Variants in SLC28A2 observed in about 807,000 individuals in gnomAD.
SLC28A2 encodes sodium/nucleoside cotransporter 2.
In SLC28A2, 69 loss-of-function variants were observed where a neutral mutation model predicts 72.9. The ratio of observed to expected loss-of-function variants is 0.95; its 90% confidence interval spans 0.78 to 1.16. The LOEUF (loss-of-function observed/expected upper bound fraction) is 1.16. Ranked by LOEUF, SLC28A2 falls within the 50% of genes most tolerant of loss-of-function variation. SLC28A2 has a pLI of 0.00. For missense variants in SLC28A2, 745 were observed against 791.1 expected (o/e 0.94, Z 0.70); for synonymous variants, 296 against 294.1 (o/e 1.01, Z -0.07).
chr15:45,253,027 T>C (rs1899842677), intron 1 of SLC28A2, among the ~76,000 whole-genome samples, 173 bp from the exon 2 acceptor site: 1 of 152,240 alleles, frequency 6.6e-6, no homozygotes, highest in Non-Finnish European at 1.5e-5. Flanking sequence ...TTATTTATTA[T>C]ATAAAAATTA....
In SLC28A2 at chr15:45,265,117, CCA is replaced by C. The variant is rs1370551877; in HGVS notation, c.732_733del (p.Ser245PhefsTer87). On this transcript the variant is annotated frameshift_variant, in exon 8 of 18. Coordinates refer to ENST00000347644, the MANE Select transcript of SLC28A2 (RefSeq NM_004212.4). LOFTEE classifies it high-confidence loss of function. Reference sequence around the variant, plus strand: ...TTCCTGAACTACACTGTGGCCGGCTCCAGTTTTGTCTTTGGGGATACACTGGT... The same window carrying C: ...TTCCTGAACTACACTGTGGCCGGCTCGTTTTGTCTTTGGGGATACACTGGT... 1.2e-5 allele frequency: 19 copies of C among 1,612,910 alleles called. No homozygotes were observed. In the Admixed American group the frequency reaches 2.3e-4, roughly 20 times the overall value.
chr15:45,275,611 A>G lies in SLC28A2; in HGVS notation c.*98A>G. 1 of 745,504 alleles carries G rather than the reference A, an allele frequency of 1.3e-6. No individual in the cohort carries two copies. The highest frequency in any genetic ancestry group is 2.4e-6 in the Non-Finnish European group (1 of 424,576). 46.2% of individuals were successfully genotyped at this position (745,504 alleles called of 1,614,324 possible). A position where few individuals can be genotyped will look rare whatever the true frequency, so the allele number is the denominator to read the frequency against. On this transcript the variant is annotated 3_prime_UTR_variant, in exon 18 of 18. Coordinates refer to ENST00000347644, the MANE Select transcript of SLC28A2 (RefSeq NM_004212.4). ...GGGTGCCCACAACTCACTCACCAAG[A>G]TGTTTAACAGTAAGTAACAGTAAAT...
In SLC28A2 at chr15:45,273,895, A is replaced by T. The variant is rs553136249; in HGVS notation, c.1859+1111A>T. Among the ~76,000 whole-genome samples the T allele has an allele frequency of 2.0e-5, 3 of 152,276 alleles. No individual in the cohort carries two copies. In the East Asian group the frequency reaches 5.8e-4, roughly 29 times the overall value. On this transcript the variant is annotated intron_variant, in intron 17 of 17. Coordinates refer to ENST00000347644, the MANE Select transcript of SLC28A2 (RefSeq NM_004212.4). ...CATTCATTCACAGAAGAGGAGGACT[A>T]GTTTCAGGAATGGGAGTAAAAGGGA...
At chr15:45,263,545 A>G (rs547806446) in intron 5 of SLC28A2, among the ~76,000 whole-genome samples, 1 of 152,358 alleles carries the variant, frequency 6.6e-6, no homozygotes, top group South Asian at 2.1e-4. Context: ...TGAAGTAATC[A>G]GAACAGAGCC....
At chr15:45,263,860 G>T in intron 5 of SLC28A2, 21 bp from the exon 6 acceptor site, 1 of 1,596,752 alleles carries the variant, frequency 6.3e-7, no homozygotes, top group South Asian at 1.1e-5. Context: ...TGATGACATG[G>T]TCTTGGCATT....
chr15:45,257,132 A>T (rs1900001997), intron 3 of SLC28A2, among the ~76,000 whole-genome samples: 1 of 152,164 alleles, frequency 6.6e-6, no homozygotes, highest in South Asian at 2.1e-4. Flanking sequence ...ATCATTGCTT[A>T]TGAGTGTACT....
chr15:45,272,328 C>G lies in SLC28A2; in HGVS notation c.1682C>G (p.Ser561Cys), dbSNP rs745562333. ...SIVPHRKSDL[S>C]KVVVRALFTG... The stretch of plus-strand genomic sequence containing the variant: ...GTACCTCACCGGAAGAGTGACTTGT[C>G]CAAGGTTGTGGTCAGGGCCCTCTTC... Residue 561 changes from serine (S) to cysteine (C), a missense_variant, in exon 16 of 18, where the codon TCC becomes TGC. Transcript: ENST00000347644. 8.1e-6 allele frequency: 13 copies of G among 1,613,944 alleles called. No individual in the cohort carries two copies. The highest frequency in any genetic ancestry group is 1.7e-4 in the Middle Eastern group (1 of 6,060).
intron 17 of SLC28A2, among the ~76,000 whole-genome samples, chr15:45,273,778 G>A (rs1900663821): frequency 6.6e-6 from 1 of 152,154 alleles, no homozygotes. Context: ...TTGATCATTG[G>A]CTAGATAGGA....
Position 45,275,429 on chromosome 15 carries a change from T to C in SLC28A2, c.1893T>C (p.Phe631=), listed in dbSNP as rs115357703. The change falls in exon 18 of 18, where the codon TTT becomes TTC. Residue 631 remains phenylalanine (F), a synonymous_variant. Transcript: ENST00000347644. The part of the protein sequence containing the change: ...TSLNGTNPPS[F]SGPWEDKEFS... ...TGAATGGCACCAACCCTCCTTCTTTTTCTGGTCCCTGGGAAGATAAGGAGT... is the reference window on the plus strand; with the variant it reads ...TGAATGGCACCAACCCTCCTTCTTTCTCTGGTCCCTGGGAAGATAAGGAGT... The C allele has an allele frequency of 6.2e-7, 1 of 1,613,756 alleles. No homozygotes were observed. Among genetic ancestry groups the C allele is most frequent in the East Asian group, 2.2e-5 (1 of 44,886 alleles).
intron 3 of SLC28A2, among the ~76,000 whole-genome samples, chr15:45,257,785 T>TAA (rs1286192764): frequency 1.3e-5 from 2 of 152,246 alleles, no homozygotes; most frequent in African/African-American, 2.4e-5. Flanking sequence ...TGCTTCGACT[T>TAA]TATTAAGTTA....
rs1232271865 is a variant in SLC28A2, at chr15:45,277,065, A to C, written c.*1552A>C. 1.3e-5 allele frequency: 2 copies of C among 152,090 alleles called. No individual in the cohort carries two copies. Among genetic ancestry groups the C allele is most frequent in the African/African-American group, 4.8e-5 (2 of 41,396 alleles). The allele number at this position is 152,090 out of a possible 1,614,324, so 9.4% of individuals were successfully genotyped here. On this transcript the variant is annotated 3_prime_UTR_variant, in exon 18 of 18. Coordinates refer to ENST00000347644, the MANE Select transcript of SLC28A2 (RefSeq NM_004212.4). ...TGATTAAAGTGGGAGGATGCTACTG[A>C]CATCTAGTGAGTAGAGGCCAATATT...
At position 45,265,677 on chromosome 15, in the gene SLC28A2, T is replaced by C. The variant is rs764606306; in HGVS notation, c.861+14T>C. 1 of 1,570,200 alleles carries C rather than the reference T, an allele frequency of 6.4e-7. No homozygotes were observed. The highest frequency in any genetic ancestry group is 8.8e-7 in the Non-Finnish European group (1 of 1,139,964). ...GTAGTTCAGAAGGTGAGTCGTTCTC[T>C]TACACCAGTCAGGAGACAGGCCTTC... On this transcript the variant is annotated intron_variant, in intron 9 of 17. Coordinates refer to ENST00000347644, the MANE Select transcript of SLC28A2 (RefSeq NM_004212.4).
intron 3 of SLC28A2, among the ~76,000 whole-genome samples, chr15:45,256,323 T>A (rs1192435411): frequency 6.7e-6 from 1 of 150,246 alleles, no homozygotes; most frequent in Non-Finnish European, 1.5e-5. Flanking sequence ...GTGTGAGCCA[T>A]GTGCCTGACC....
At chr15:45,270,933 G>C (rs1001316818) in intron 15 of SLC28A2, among the ~76,000 whole-genome samples, 1 of 152,120 alleles carries the variant, frequency 6.6e-6, no homozygotes, top group Non-Finnish European at 1.5e-5. Flanking sequence ...CACCACACCT[G>C]GTCTTGTATT....
At position 45,264,854 on chromosome 15, in the gene SLC28A2, A is replaced by T. The variant is rs17215612; in HGVS notation, c.702+86A>T. 31 of 856,364 alleles carry T rather than the reference A, an allele frequency of 3.6e-5. No individual in the cohort carries two copies. In the African/African-American group the frequency reaches 4.9e-4, roughly 13 times the overall value. The allele number at this position is 856,364 out of a possible 1,614,324, so 53.0% of individuals were successfully genotyped here. A position where few individuals can be genotyped will look rare whatever the true frequency, so the allele number is the denominator to read the frequency against. ...GAGGAGCATGAGAAGATTAGGCTGT[A>T]TCTTGTTAATGATGTGGTGGAAGAT... On this transcript the variant is annotated intron_variant, in intron 7 of 17. Coordinates refer to ENST00000347644, the MANE Select transcript of SLC28A2 (RefSeq NM_004212.4).
At chr15:45,257,316 C>G (rs149753073) in intron 3 of SLC28A2, among the ~76,000 whole-genome samples, 3 of 152,316 alleles carry the variant, frequency 2.0e-5, no homozygotes, top group African/African-American at 7.2e-5. Flanking sequence ...CTATCTGACC[C>G]TCTCTTATAA....
chr15:45,269,213 A>T, intron 13 of SLC28A2, 125 bp from the exon 14 acceptor site: 1 of 734,044 alleles, frequency 1.4e-6, no homozygotes, highest in East Asian at 2.5e-5. Flanking sequence ...GACCCACAGT[A>T]AGCCAAGAGA....
intron 9 of SLC28A2, 96 bp downstream of exon 9, chr15:45,265,759 A>C: frequency 1.2e-6 from 1 of 865,118 alleles, no homozygotes; most frequent in Non-Finnish European, 2.0e-6. Context: ...AGAGTGTTAG[A>C]AACAATGGGA....
At chr15:45,267,359 T>G in intron 10 of SLC28A2, 96 bp from the exon 11 acceptor site, 3 of 1,299,948 alleles carry the variant, frequency 2.3e-6, no homozygotes, top group Non-Finnish European at 3.3e-6. Context: ...TGGATGGATG[T>G]GTATCTAGTG....
Sources: allele counts gnomAD v4.1 joint callset (sites outside exome capture counted in the v4.1 genomes callset), GRCh38; gene constraint gnomAD v4.1.1; transcripts MANE v1.5; gene names NCBI Gene and HGNC (gene_info 2026-07-23, HGNC 2026-07-21).